Variants in STK3 observed in about 807,000 individuals in gnomAD.
The protein encoded by STK3 is serine/threonine-protein kinase 3.
A neutral mutation model predicts 58.0 loss-of-function variants in STK3; 41 were observed. That is an observed-to-expected ratio of 0.71 (90% CI 0.55 to 0.92). The LOEUF (loss-of-function observed/expected upper bound fraction) is 0.92. Among genes scored for constraint, STK3 ranks in the 40% least tolerant of loss-of-function variants. The probability of loss-of-function intolerance (pLI) is 0.00; values close to 1 mark genes in which losing one functional copy is unlikely to be tolerated. For synonymous variants in STK3, 170 were observed against 191.0 expected (o/e 0.89, Z 0.91); for missense variants, 479 against 602.7 (o/e 0.79, Z 2.15).
intron 3 of STK3, among the ~76,000 whole-genome samples, chr8:98,408,638 G>A (rs1299054315): frequency 2.0e-5 from 3 of 152,208 alleles, no homozygotes; most frequent in Non-Finnish European, 4.4e-5. Flanking sequence ...GCAATCATTT[G>A]TATTCTAAAT....
At chr8:98,899,276 TC>T (rs1214657383) in intron 1 of STK3, among the ~76,000 whole-genome samples, 2 of 152,020 alleles carry the variant, frequency 1.3e-5, no homozygotes, top group African/African-American at 4.8e-5. Flanking sequence ...TATTTTGCCT[TC>T]CCCAGTTTGC....
chr8:98,620,672 A>G (rs909618747), intron 6 of STK3, among the ~76,000 whole-genome samples: 1 of 151,508 alleles, frequency 6.6e-6, no homozygotes, highest in Non-Finnish European at 1.5e-5. Context: ...GACAAGAAGA[A>G]AGAAAATAAT....
In STK3 at chr8:98,694,331, AC is replaced by A. The variant is rs796304357; in HGVS notation, c.684+12135del. On this transcript the variant is annotated intron_variant, in intron 6 of 10. Coordinates refer to ENST00000419617, the MANE Select transcript of STK3 (RefSeq NM_006281.4). Reference sequence around the variant, plus strand: ...GTAGTGTAAGGACACAGAGATAGAGACCTTTTTTTAGGCTAAAATAATTCTT... The same window carrying A: ...GTAGTGTAAGGACACAGAGATAGAGACTTTTTTTAGGCTAAAATAATTCTT... Among the ~76,000 whole-genome samples the A allele has an allele frequency of 7.0e-4, 107 of 152,084 alleles. 2 individuals are homozygous for A. The highest frequency in any genetic ancestry group is 2.4e-3 in the African/African-American group (101 of 41,496).
At chr8:98,902,928 A>G (rs1390165850) in intron 1 of STK3, among the ~76,000 whole-genome samples, 1 of 152,228 alleles carries the variant, frequency 6.6e-6, no homozygotes, top group East Asian at 1.9e-4. Flanking sequence ...TAGAGTTAAG[A>G]TTTGAACTCA....
intron 6 of STK3, among the ~76,000 whole-genome samples, chr8:98,638,066 A>AT (rs897599940): frequency 1.3e-5 from 2 of 151,878 alleles, no homozygotes; most frequent in African/African-American, 4.8e-5. Flanking sequence ...CTCTCTGCTA[A>AT]TTTTTTTTGG....
chr8:98,699,925 G>T (rs915320000), intron 6 of STK3, among the ~76,000 whole-genome samples: 3 of 152,330 alleles, frequency 2.0e-5, no homozygotes, highest in Non-Finnish European at 1.5e-5. Context: ...AGTCTGCAGA[G>T]GTTACTGCTG....
At chr8:98,878,538 A>C (rs34634141) in intron 3 of STK3, among the ~76,000 whole-genome samples, 3 of 152,038 alleles carry the variant, frequency 2.0e-5, no homozygotes, top group Non-Finnish European at 4.4e-5. Context: ...TTTCCCGCCA[A>C]ACCACTCACC....
intron 10 of STK3, among the ~76,000 whole-genome samples, chr8:98,503,265 T>C (rs116901975): frequency 1.6e-4 from 24 of 152,214 alleles, no homozygotes; most frequent in Non-Finnish European, 3.4e-4. Context: ...TCCTTTATCA[T>C]TTTTTTACTG....
chr8:98,477,524 A>T (rs1325466551), intron 10 of STK3, among the ~76,000 whole-genome samples: 1 of 151,814 alleles, frequency 6.6e-6, no homozygotes, highest in East Asian at 1.9e-4. Context: ...CTCCTCTGCA[A>T]ATCCCACTCA....
chr8:98,554,839 A>C (rs554152142), intron 8 of STK3, among the ~76,000 whole-genome samples: 148 of 152,284 alleles, frequency 9.7e-4, no homozygotes, highest in Non-Finnish European at 1.7e-3. Context: ...GATTAGTATT[A>C]TAATTTCATT....
intron 3 of STK3, chr8:98,413,414 C>T: frequency 1.8e-6 from 1 of 561,506 alleles, no homozygotes; most frequent in Non-Finnish European, 3.5e-6. Context: ...CTATTTCCTG[C>T]TGATCCCTCA....
chr8:98,538,824 G>A (rs73275849), intron 9 of STK3, among the ~76,000 whole-genome samples: 2,624 of 152,176 alleles, frequency 0.017, 74 homozygotes, highest in African/African-American at 0.061. Flanking sequence ...AACGTCCCAC[G>A]GACCAAGAGC....
downstream of STK3, among the ~76,000 whole-genome samples, chr8:98,369,738 G>A (rs755338676): frequency 2.6e-5 from 4 of 152,124 alleles, no homozygotes; most frequent in African/African-American, 7.2e-5. Flanking sequence ...CCATGGAGAC[G>A]GGAAGTACCC....
intron 1 of STK3, among the ~76,000 whole-genome samples, chr8:98,893,723 A>C (rs1216122130): frequency 2.0e-5 from 3 of 152,022 alleles, no homozygotes; most frequent in African/African-American, 7.2e-5. Flanking sequence ...CATGGGTTGT[A>C]CAGTGAAGTA....
chr8:98,882,040 A>G (rs1324351608), downstream of STK3: 1 of 152,164 alleles, frequency 6.6e-6, no homozygotes, highest in Non-Finnish European at 1.5e-5. Flanking sequence ...AATTGACCAT[A>G]TTTGAAATAA....
intron 6 of STK3, among the ~76,000 whole-genome samples, chr8:98,667,491 G>T (rs1388667200): frequency 1.3e-5 from 2 of 151,996 alleles, no homozygotes; most frequent in Non-Finnish European, 2.9e-5. Flanking sequence ...AACAAGAAAA[G>T]GATTATAAAT....
At chr8:98,700,362 A>G (rs1036585986) in intron 6 of STK3, among the ~76,000 whole-genome samples, 1 of 152,184 alleles carries the variant, frequency 6.6e-6, no homozygotes, top group Non-Finnish European at 1.5e-5. Flanking sequence ...CGCACGGTGC[A>G]CTGCATCCAC....
chr8:98,633,212 A>T (rs1819386334), intron 6 of STK3, among the ~76,000 whole-genome samples: 1 of 152,214 alleles, frequency 6.6e-6, no homozygotes, highest in Admixed American at 6.5e-5. Context: ...AACACTTAGA[A>T]GAAGGCAGAG....
intron 3 of STK3, among the ~76,000 whole-genome samples, chr8:98,847,234 A>G (rs188833996): frequency 6.6e-6 from 1 of 152,306 alleles, no homozygotes; most frequent in African/African-American, 2.4e-5. Flanking sequence ...GTTTTGCAAT[A>G]TATGAGGTGA....
Sources: allele counts gnomAD v4.1 joint callset (sites outside exome capture counted in the v4.1 genomes callset), GRCh38; gene constraint gnomAD v4.1.1; transcripts MANE v1.5; gene names NCBI Gene and HGNC (gene_info 2026-07-23, HGNC 2026-07-21).